The following TAFA2 variants were observed in gnomAD, a reference collection of about 807,000 sequenced individuals.
TAFA2 encodes the protein chemokine-like protein TAFA-2.
TAFA2 carries 7 observed loss-of-function variants against 18.8 expected under a neutral mutation model. The observed-to-expected ratio is 0.37, with a 90% CI of 0.21 to 0.70. The LOEUF (loss-of-function observed/expected upper bound fraction) is 0.70. TAFA2 is among the 30% of genes least tolerant of loss of function. The pLI is 0.53. For synonymous variants in TAFA2, 60 were observed against 54.2 expected (o/e 1.11, Z -0.47); for missense variants, 122 against 158.1 (o/e 0.77, Z 1.23).
chr12:62,066,478 G>T (rs1006664399), intron 1 of TAFA2, among the ~76,000 whole-genome samples: 1 of 151,584 alleles, frequency 6.6e-6, no homozygotes, highest in African/African-American at 2.4e-5. Context: ...CCAGCTACTG[G>T]TAACCATCCT....
At chr12:61,923,982 T>A (rs1402428101) in intron 1 of TAFA2, among the ~76,000 whole-genome samples, 2 of 150,170 alleles carry the variant, frequency 1.3e-5, no homozygotes, top group Non-Finnish European at 3.0e-5. Context: ...GAAGAAAGGA[T>A]ATCAGAGATT....
chr12:61,725,146 C>A (rs1870100513), intron 4 of TAFA2, among the ~76,000 whole-genome samples: 1 of 151,492 alleles, frequency 6.6e-6, no homozygotes, highest in African/African-American at 2.4e-5. Flanking sequence ...TTATTTGTTT[C>A]TTGATGATTT....
chr12:61,784,046 C>G (rs1347597144), intron 2 of TAFA2, among the ~76,000 whole-genome samples: 2 of 151,406 alleles, frequency 1.3e-5, no homozygotes, highest in Non-Finnish European at 3.0e-5. Context: ...ATAGCATAAC[C>G]TATATTTTGT....
intron 4 of TAFA2, among the ~76,000 whole-genome samples, chr12:61,741,479 A>G (rs1339221632): frequency 6.6e-6 from 1 of 152,154 alleles, no homozygotes; most frequent in Non-Finnish European, 1.5e-5. Flanking sequence ...CAATCTTGAC[A>G]TCATGGAATA....
At chr12:62,237,438 T>C (rs1452758045) in intron 1 of TAFA2, among the ~76,000 whole-genome samples, 11 of 152,240 alleles carry the variant, frequency 7.2e-5, no homozygotes, top group Admixed American at 7.2e-4. Flanking sequence ...TTATATATTG[T>C]TTTGCTGTGT....
chr12:61,710,446 C>T (rs762765222), intron 4 of TAFA2, 29 bp from the exon 5 acceptor site: 13 of 1,543,312 alleles, frequency 8.4e-6, no homozygotes, highest in African/African-American at 2.7e-5. Flanking sequence ...ATATAGTCAA[C>T]ATTTCATAAC....
intron 1 of TAFA2, among the ~76,000 whole-genome samples, chr12:61,869,710 CTTA>C (rs1874511732): frequency 6.6e-6 from 1 of 152,200 alleles, no homozygotes; most frequent in Non-Finnish European, 1.5e-5. Flanking sequence ...TGGTTTGGAA[CTTA>C]TTCTCAGTAA....
intron 2 of TAFA2, among the ~76,000 whole-genome samples, chr12:61,755,874 TC>T (rs1314882058): frequency 1.3e-5 from 2 of 152,080 alleles, no homozygotes; most frequent in Admixed American, 6.6e-5. Context: ...CAAATAGTAA[TC>T]CTACTGTGAA....
intron 1 of TAFA2, among the ~76,000 whole-genome samples, chr12:62,254,942 AAAGT>A (rs2062931217): frequency 1.3e-5 from 2 of 152,340 alleles, no homozygotes; most frequent in South Asian, 4.1e-4. Flanking sequence ...GGGAGAAAAC[AAAGT>A]TAATCTCTCT....
chr12:62,237,282 C>G (rs1390587749), intron 1 of TAFA2, among the ~76,000 whole-genome samples: 1 of 152,144 alleles, frequency 6.6e-6, no homozygotes, highest in East Asian at 1.9e-4. Flanking sequence ...CCGAGGCGGG[C>G]AGATCATGAG....
chr12:61,790,625 A>G (rs12423666), intron 2 of TAFA2, among the ~76,000 whole-genome samples: 15,803 of 151,824 alleles, frequency 0.1, 1,084 homozygotes, highest in East Asian at 0.19. Flanking sequence ...ATAGCTACCA[A>G]AAAGCAAGAT....
At chr12:61,939,859 G>A (rs1877924342) in intron 1 of TAFA2, among the ~76,000 whole-genome samples, 1 of 152,152 alleles carries the variant, frequency 6.6e-6, no homozygotes, top group Non-Finnish European at 1.5e-5. Context: ...TCTAATCTTG[G>A]AGCAGTTACT....
chr12:62,043,456 A>C (rs186398378), intron 1 of TAFA2, among the ~76,000 whole-genome samples: 7,700 of 148,142 alleles, frequency 0.052, 285 homozygotes, highest in South Asian at 0.13. Flanking sequence ...CACTCCGGGG[A>C]CTGTTGTGAG....
intron 1 of TAFA2, among the ~76,000 whole-genome samples, chr12:61,955,633 A>AAAAAAAAAAAAAAATATATT (rs1878657032): frequency 1.1e-4 from 1 of 8,778 alleles, no homozygotes; most frequent in Non-Finnish European, 2.2e-4. Flanking sequence ...AAAAAAAAAA[A>AAAAAAAAAAAAAAATATATT]TATATATATA....
At chr12:61,902,951 C>A (rs771800415) in intron 1 of TAFA2, among the ~76,000 whole-genome samples, 4 of 152,074 alleles carry the variant, frequency 2.6e-5, no homozygotes, top group Non-Finnish European at 4.4e-5. Context: ...CCATTTTCAA[C>A]CTGTCATCCC....
Position 61,768,900 on chromosome 12 carries a change from C to G in TAFA2, c.107-13876G>C, listed in dbSNP as rs77003357. ...CTGCAGCAAATGGGGAGATGTGAAGCCTGAAAGCCCTGCCTGCTTTCTCAG... is the reference window on the plus strand; with the variant it reads ...CTGCAGCAAATGGGGAGATGTGAAGGCTGAAAGCCCTGCCTGCTTTCTCAG... On this transcript the variant is annotated intron_variant, in intron 2 of 4. Coordinates refer to ENST00000416284, the MANE Select transcript of TAFA2 (RefSeq NM_178539.5). Among the ~76,000 whole-genome samples the G allele has an allele frequency of 3.8e-3, 577 of 152,086 alleles. 4 individuals carry two copies. The highest frequency in any genetic ancestry group is 0.013 in the African/African-American group (554 of 41,530).
chr12:61,755,255 A>G (rs1869210336), intron 2 of TAFA2, among the ~76,000 whole-genome samples: 1 of 152,142 alleles, frequency 6.6e-6, no homozygotes, highest in African/African-American at 2.4e-5. Context: ...TAGTGACTAG[A>G]TTAGAATAAG....
intron 1 of TAFA2, among the ~76,000 whole-genome samples, chr12:61,964,222 A>C (rs1878992101): frequency 6.6e-6 from 1 of 152,056 alleles, no homozygotes; most frequent in African/African-American, 2.4e-5. Flanking sequence ...AGAATTGACA[A>C]ATGAGATCTA....
chr12:62,201,872 G>T (rs2062672403), intron 1 of TAFA2, among the ~76,000 whole-genome samples: 1 of 152,082 alleles, frequency 6.6e-6, no homozygotes, highest in Non-Finnish European at 1.5e-5. Context: ...CTGGTCCTAG[G>T]CTTTTTTTGG....
Sources: allele counts gnomAD v4.1 joint callset (sites outside exome capture counted in the v4.1 genomes callset), GRCh38; gene constraint gnomAD v4.1.1; transcripts MANE v1.5; gene names NCBI Gene and HGNC (gene_info 2026-07-23, HGNC 2026-07-21).